Variants in STXBP4 observed in about 807,000 individuals in gnomAD.
STXBP4 encodes syntaxin binding protein 4.
Under a neutral mutation model 76.1 loss-of-function variants are expected in STXBP4, and 55 were observed. The observed-to-expected ratio is 0.72, with a 90% CI of 0.58 to 0.91. The LOEUF (loss-of-function observed/expected upper bound fraction) is 0.91. Among genes scored for constraint, STXBP4 ranks in the 40% least tolerant of loss-of-function variants. STXBP4 has a pLI of 0.00. For missense variants in STXBP4, 618 were observed against 636.9 expected (o/e 0.97, Z 0.32); for synonymous variants, 201 against 220.2 (o/e 0.91, Z 0.77).
intron 16 of STXBP4, among the ~76,000 whole-genome samples, chr17:55,140,406 C>T (rs528918927): frequency 5.9e-5 from 9 of 152,194 alleles, no homozygotes; most frequent in South Asian, 2.1e-4. Flanking sequence ...TGTTAAAGGT[C>T]GGTTACTTTC....
At chr17:55,175,622 G>A (rs982515523), downstream of STXBP4, among the ~76,000 whole-genome samples, 1 of 152,196 alleles carries the variant, frequency 6.6e-6, no homozygotes, top group Non-Finnish European at 1.5e-5. Context: ...CCAAAAACTA[G>A]CAGGAGGCTG....
chr17:54,988,988 T>C (rs950206700), intron 3 of STXBP4, among the ~76,000 whole-genome samples: 1 of 152,238 alleles, frequency 6.6e-6, no homozygotes, highest in Non-Finnish European at 1.5e-5. Context: ...TTTAAAAAAA[T>C]TTCTTCTTTT....
chr17:55,201,328 TGTGA>T, the STXBP4 span, among the ~76,000 whole-genome samples: 7,291 of 152,100 alleles, frequency 0.048, 370 homozygotes, highest in East Asian at 0.24. Context: ...ATTTTGTTAT[TGTGA>T]GTATTATGTT....
At chr17:55,106,922 C>T (rs535931943) in intron 16 of STXBP4, among the ~76,000 whole-genome samples, 1 of 152,276 alleles carries the variant, frequency 6.6e-6, no homozygotes, top group South Asian at 2.1e-4. Flanking sequence ...CTTGGGGTTG[C>T]TCTTCTTGAG....
At chr17:55,155,999 C>T (rs745812842) in intron 17 of STXBP4, among the ~76,000 whole-genome samples, 1 of 152,078 alleles carries the variant, frequency 6.6e-6, no homozygotes, top group Non-Finnish European at 1.5e-5. Context: ...ATTTGGCAAC[C>T]ATTCAGAGGC....
intron 17 of STXBP4, among the ~76,000 whole-genome samples, chr17:55,159,462 A>G (rs1255920612): frequency 6.6e-6 from 1 of 152,200 alleles, no homozygotes; most frequent in Non-Finnish European, 1.5e-5. Context: ...AGACTATTTC[A>G]TTGAAAAAGG....
At chr17:55,137,055 A>G (rs1567778126) in intron 16 of STXBP4, among the ~76,000 whole-genome samples, 3 of 152,070 alleles carry the variant, frequency 2.0e-5, no homozygotes, top group African/African-American at 7.2e-5. Flanking sequence ...TATCATCACT[A>G]CTATATAAAT....
chr17:55,038,043 G>A (rs997186848), intron 10 of STXBP4, among the ~76,000 whole-genome samples: 1 of 152,084 alleles, frequency 6.6e-6, no homozygotes, highest in African/African-American at 2.4e-5. Context: ...TTCCACTATG[G>A]TTACCCTGTC....
chr17:55,061,374 A>G (rs1460507029), intron 12 of STXBP4, among the ~76,000 whole-genome samples: 1 of 152,056 alleles, frequency 6.6e-6, no homozygotes, highest in African/African-American at 2.4e-5. Context: ...GATTTCTCTT[A>G]TTTTTCTTTA....
chr17:55,015,096 G>A (rs1291092263), intron 8 of STXBP4, among the ~76,000 whole-genome samples: 1 of 152,084 alleles, frequency 6.6e-6, no homozygotes, highest in African/African-American at 2.4e-5. Context: ...AGATTAGTTG[G>A]CCTTCAATAG....
intron 8 of STXBP4, among the ~76,000 whole-genome samples, chr17:55,016,963 C>T (rs968927097): frequency 6.6e-6 from 1 of 152,104 alleles, no homozygotes; most frequent in African/African-American, 2.4e-5. Context: ...GCCTCTGGGC[C>T]GTCCGTGGGT....
At chr17:54,974,253 TAAAAGA>T (rs1414654701) in intron 1 of STXBP4, among the ~76,000 whole-genome samples, 1 of 152,222 alleles carries the variant, frequency 6.6e-6, no homozygotes, top group Non-Finnish European at 1.5e-5. Context: ...TACTTGTATC[TAAAAGA>T]ATAAGAATAA....
chr17:55,176,271 A>G (rs111344572), downstream of STXBP4, among the ~76,000 whole-genome samples: 29 of 152,308 alleles, frequency 1.9e-4, no homozygotes, highest in Non-Finnish European at 2.8e-4. Context: ...GTAACTCAGG[A>G]AAGAGTGGTC....
At chr17:55,202,195 A>C in the STXBP4 span, among the ~76,000 whole-genome samples, 1 of 151,468 alleles carries the variant, frequency 6.6e-6, no homozygotes, top group Non-Finnish European at 1.5e-5. Flanking sequence ...TCAAATTTCT[A>C]CTCCTCCTCT....
intron 17 of STXBP4, among the ~76,000 whole-genome samples, chr17:55,143,873 AT>A (rs2080120749): frequency 6.6e-6 from 1 of 152,190 alleles, no homozygotes; most frequent in African/African-American, 2.4e-5. Context: ...CCAAAGGGCC[AT>A]AGTAGATCTT....
the STXBP4 span, among the ~76,000 whole-genome samples, chr17:55,181,799 AG>A: frequency 6.6e-6 from 1 of 152,186 alleles, no homozygotes; most frequent in Non-Finnish European, 1.5e-5. Context: ...TGATTCTAGA[AG>A]GGGTGAGTAA....
intron 4 of STXBP4, 101 bp from the exon 5 acceptor site, chr17:54,999,244 A>G: frequency 1.2e-6 from 1 of 864,426 alleles, no homozygotes; most frequent in Non-Finnish European, 1.8e-6. Context: ...ACTCTTTTTG[A>G]AGGCATTCTT....
intron 1 of STXBP4, among the ~76,000 whole-genome samples, chr17:54,977,647 A>T (rs2077491606): frequency 6.6e-6 from 1 of 152,210 alleles, no homozygotes; most frequent in Non-Finnish European, 1.5e-5. Context: ...TTTAAAAATG[A>T]TCAGTTAAGT....
chr17:55,021,836 G>A lies in STXBP4; in HGVS notation c.667-9332G>A, dbSNP rs531235146. ...AGGATTTCTTAAAAATTTATCAAACGAAAATGACTCAAGAATAGTTTCACA... is the reference window on the plus strand; with the variant it reads ...AGGATTTCTTAAAAATTTATCAAACAAAAATGACTCAAGAATAGTTTCACA... On this transcript the variant is annotated intron_variant, in intron 8 of 17. Transcript: ENST00000376352. 3.4e-4 allele frequency among the ~76,000 whole-genome samples: 51 copies of A among 152,090 alleles called. 1 individual carries two copies. Among genetic ancestry groups the A allele is most frequent in the Middle Eastern group, 6.8e-3 (2 of 294 alleles).
Sources: gnomAD v4.1 joint callset for allele counts (sites outside exome capture counted in the v4.1 genomes callset) on GRCh38, gnomAD v4.1.1 for gene constraint, MANE v1.5 for transcripts, NCBI Gene and HGNC (gene_info 2026-07-23, HGNC 2026-07-21) for gene names.